MYT1L: variants seen among roughly 807,000 people sequenced by gnomAD.
MYT1L encodes myelin transcription factor 1 like.
In MYT1L, 12 loss-of-function variants were observed where a neutral mutation model predicts 126.7. The ratio of observed to expected loss-of-function variants is 0.09; its 90% CI spans 0.06 to 0.15. MYT1L has a LOEUF of 0.15. Ranked by LOEUF, MYT1L falls within the 10% of genes least tolerant of loss-of-function variation. The probability of loss-of-function intolerance (pLI) is 1.00; values close to 1 mark genes in which losing one functional copy is unlikely to be tolerated. For missense variants in MYT1L, 979 were observed against 1,585.2 expected, an observed-to-expected ratio of 0.62 and a Z score of 6.49; for synonymous variants, 541 against 604.2, an observed-to-expected ratio of 0.90 and a Z score of 1.53.
At chr2:2,230,626 C>T (rs2094138457) in intron 2 of MYT1L, among the ~76,000 whole-genome samples, 1 of 152,188 alleles carries the variant, frequency 6.6e-6, no homozygotes, top group South Asian at 2.1e-4. Context: ...ACCCAGACGC[C>T]ACGCTGTGGA....
intron 3 of MYT1L, among the ~76,000 whole-genome samples, chr2:2,146,391 C>A (rs2084879598): frequency 6.6e-6 from 1 of 152,062 alleles, no homozygotes; most frequent in African/African-American, 2.4e-5. Context: ...TGTGGCCGGG[C>A]AGAGCACCTG....
intron 3 of MYT1L, among the ~76,000 whole-genome samples, chr2:2,076,242 C>A (rs2075213183): frequency 6.6e-6 from 1 of 152,104 alleles, no homozygotes; most frequent in African/African-American, 2.4e-5. Context: ...AGGCTGTGTG[C>A]ATGTCCAGGA....
intron 9 of MYT1L, among the ~76,000 whole-genome samples, chr2:1,934,466 T>C (rs116193278): frequency 0.016 from 2,499 of 152,040 alleles, 67 homozygotes; most frequent in African/African-American, 0.057. Context: ...AAAAGGTGAA[T>C]GCATGAAGTC....
At chr2:2,029,210 G>T (rs1471217106) in intron 4 of MYT1L, among the ~76,000 whole-genome samples, 1 of 152,140 alleles carries the variant, frequency 6.6e-6, no homozygotes, top group African/African-American at 2.4e-5. Flanking sequence ...TGACATTCGT[G>T]ACTGTCTAAC....
chr2:2,178,589 CT>C (rs1426073146), intron 2 of MYT1L, among the ~76,000 whole-genome samples: 2 of 152,174 alleles, frequency 1.3e-5, no homozygotes, highest in Non-Finnish European at 2.9e-5. Flanking sequence ...GCCTTTGGGG[CT>C]CTCTCTGTCC....
At chr2:1,908,228 C>T (rs1291384992) in intron 13 of MYT1L, among the ~76,000 whole-genome samples, 5 of 152,216 alleles carry the variant, frequency 3.3e-5, no homozygotes, top group African/African-American at 4.8e-5. Flanking sequence ...GGCTTCAGGC[C>T]GGAACATCGG....
intron 8 of MYT1L, among the ~76,000 whole-genome samples, chr2:1,952,175 T>A (rs1055411154): frequency 6.6e-6 from 1 of 152,256 alleles, no homozygotes; most frequent in South Asian, 2.1e-4. Context: ...AAATGTTTAC[T>A]TGAACCTCTT....
rs567684744 is a variant in MYT1L, at chr2:1,887,413, G to C, written c.2642+75C>G. 10 of 1,592,784 alleles carry C rather than the reference G, an allele frequency of 6.3e-6. No individual in the cohort carries two copies. In the Admixed American group the frequency reaches 1.7e-4, roughly 27 times the overall value. ...ATGCTCAAACGGCAAGGCATATACA[G>C]ATCCAGTTTTAAAAAATCAGCCAAA... is the stretch of plus-strand genomic sequence containing the variant. On this transcript the variant is annotated intron_variant, in intron 17 of 24. Coordinates refer to ENST00000647738, the MANE Select transcript of MYT1L (RefSeq NM_001303052.2). The surrounding 1 kb of genome is among the most constrained non-coding windows in gnomAD (Gnocchi z 4.8).
intron 3 of MYT1L, among the ~76,000 whole-genome samples, chr2:2,132,168 A>T (rs1180490267): frequency 2.6e-5 from 4 of 151,888 alleles, no homozygotes; most frequent in Non-Finnish European, 2.9e-5. Context: ...TGACCTCCCA[A>T]AGTGCTGGGA....
intron 2 of MYT1L, among the ~76,000 whole-genome samples, chr2:2,207,997 T>G (rs1036680478): frequency 3.1e-4 from 47 of 152,150 alleles, no homozygotes; most frequent in African/African-American, 1.0e-3. Context: ...TTCAATCCAC[T>G]CCATGCCCCA....
At position 1,801,861 on chromosome 2, in the gene MYT1L, T is replaced by G. The variant is rs1484158392; in HGVS notation, c.3173-62A>C. 1.0e-5 allele frequency: 11 copies of G among 1,060,032 alleles called. No individual in the cohort carries two copies. The highest frequency in any genetic ancestry group is 1.4e-5 in the Non-Finnish European group (10 of 731,832). The allele number at this position is 1,060,032 out of a possible 1,614,324, so 65.7% of individuals were successfully genotyped here. A position where few individuals can be genotyped will look rare whatever the true frequency, so the allele number is the denominator to read the frequency against. ...ATACAAAAATATTAGAGTTAGAATT[T>G]TGGGAGCTTTCTTTGTTCCTTTTAT... On this transcript the variant is annotated intron_variant, in intron 22 of 24. Transcript: ENST00000647738. The surrounding 1 kb of genome is among the most constrained non-coding windows in gnomAD (Gnocchi z 4.2).
intron 10 of MYT1L, among the ~76,000 whole-genome samples, chr2:1,920,089 C>G (rs1382307903): frequency 6.6e-6 from 1 of 152,168 alleles, no homozygotes; most frequent in Admixed American, 6.5e-5. Context: ...AAGACACTGA[C>G]AGATACGGAA....
At chr2:2,174,335 C>T (rs1280769972) in intron 2 of MYT1L, among the ~76,000 whole-genome samples, 1 of 152,078 alleles carries the variant, frequency 6.6e-6, no homozygotes, top group Non-Finnish European at 1.5e-5. Flanking sequence ...TTCTCAACAC[C>T]CACATAGTAT....
At chr2:2,136,520 G>A (rs1211032763) in intron 3 of MYT1L, among the ~76,000 whole-genome samples, 2 of 152,200 alleles carry the variant, frequency 1.3e-5, no homozygotes, top group East Asian at 1.9e-4. Context: ...GCCCTCAAGA[G>A]GAGGGAGCAA....
At chr2:1,821,479 T>C (rs1207898212) in intron 21 of MYT1L, among the ~76,000 whole-genome samples, 1 of 152,250 alleles carries the variant, frequency 6.6e-6, no homozygotes, top group African/African-American at 2.4e-5. Context: ...TATATTTTAA[T>C]GTTCTTTCTG....
intron 2 of MYT1L, among the ~76,000 whole-genome samples, chr2:2,247,427 C>A (rs931291292): frequency 2.0e-5 from 3 of 152,120 alleles, no homozygotes; most frequent in Admixed American, 6.5e-5. Context: ...CTCAGTGCAA[C>A]AATAGCTGGA....
chr2:1,977,617 G>T (rs1291944903), intron 8 of MYT1L, among the ~76,000 whole-genome samples: 1 of 152,174 alleles, frequency 6.6e-6, no homozygotes, highest in Admixed American at 6.5e-5. Context: ...CACATTGTAT[G>T]CCTGTATCAA....
At chr2:2,225,391 C>T (rs1159087079) in intron 2 of MYT1L, among the ~76,000 whole-genome samples, 2 of 152,166 alleles carry the variant, frequency 1.3e-5, no homozygotes, top group East Asian at 1.9e-4. Flanking sequence ...CAAGGCAGCA[C>T]CTACCTACGT....
intron 3 of MYT1L, among the ~76,000 whole-genome samples, chr2:2,159,844 C>G (rs1385435994): frequency 6.6e-6 from 1 of 152,048 alleles, no homozygotes; most frequent in Non-Finnish European, 1.5e-5. Flanking sequence ...GGGGGCTCTT[C>G]TGTTTGCTAC....
Sources: gnomAD v4.1 joint callset for allele counts (sites outside exome capture counted in the v4.1 genomes callset) on GRCh38, gnomAD v4.1.1 for gene constraint, Gnocchi (gnomAD v3.1) non-coding constraint, MANE v1.5 for transcripts, NCBI Gene and HGNC (gene_info 2026-07-23, HGNC 2026-07-21) for gene names.